Variants in PLIN3 observed in about 807,000 individuals in gnomAD.
PLIN3 encodes the protein perilipin 3, also known as perilipin-3.
Under a neutral mutation model 35.9 loss-of-function variants are expected in PLIN3, and 30 were observed. The observed-to-expected ratio is 0.84, with a 90% CI of 0.62 to 1.13. The LOEUF (loss-of-function observed/expected upper bound fraction) is 1.13, where lower values mean the gene tolerates loss of function less well. Among genes scored for constraint, PLIN3 ranks in the 50% most tolerant of loss-of-function variants. The pLI, the probability that PLIN3 is intolerant of heterozygous loss-of-function variation, is 0.00. For synonymous variants in PLIN3, 261 were observed against 262.5 expected (o/e 0.99, Z 0.06); for missense variants, 603 against 596.9 (o/e 1.01, Z -0.11).
intron 1 of PLIN3, among the ~76,000 whole-genome samples, chr19:4,865,698 C>T (rs1295598384): frequency 6.6e-6 from 1 of 151,486 alleles, no homozygotes; most frequent in Non-Finnish European, 1.5e-5. Flanking sequence ...GATCTGGAGT[C>T]CAGATTGGGT....
chr19:4,852,169 C>T lies in PLIN3; in HGVS notation c.481G>A (p.Gly161Ser), dbSNP rs773753633. 1.5e-5 allele frequency: 24 copies of T among 1,613,826 alleles called. 1 individual carries two copies. Among genetic ancestry groups the T allele is most frequent in the Admixed American group, 5.0e-5 (3 of 60,000 alleles). The change falls in exon 5 of 8, where the codon GGC (glycine) becomes AGC (serine). Residue 161 changes from glycine (G) to serine (S), a missense_variant. Physicochemically the swap from Gly to Ser is moderately conservative, Grantham distance 56. Coordinates refer to ENST00000221957, the MANE Select transcript of PLIN3 (RefSeq NM_005817.5). ...ACTACGGACTTTGTCTTGTCCACGCCGCTCTGCACAGCACCGCGGGTCGCG... is the reference window on the plus strand; with the variant it reads ...ACTACGGACTTTGTCTTGTCCACGCTGCTCTGCACAGCACCGCGGGTCGCG... ...VDATRGAVQS[G>S]VDKTKSVVTG... is the part of the protein sequence containing the mutation.
rs571574795 is a variant in PLIN3, at chr19:4,848,042, G to A, written c.635-152C>T. ...TCTGTCGCCCAGGTTGGAGTGCAGT[G>A]GTGTCATCTCGGCTCACTGCAACCT... On this transcript the variant is annotated intron_variant, in intron 5 of 7. Transcript: ENST00000221957. 10 of 658,218 alleles carry A rather than the reference G, an allele frequency of 1.5e-5. No homozygotes were observed. The Admixed American group carries it at 2.3e-4, about 15-fold the overall frequency. The allele number at this position is 658,218 out of a possible 1,614,324, so 40.8% of individuals were successfully genotyped here.
intron 5 of PLIN3, among the ~76,000 whole-genome samples, chr19:4,849,979 CTT>C (rs775507272): frequency 6.6e-6 from 1 of 150,716 alleles, no homozygotes; most frequent in Non-Finnish European, 1.5e-5. Flanking sequence ...GAGTTTCACT[CTT>C]GTTGCCTGGG....
At chr19:4,844,348 C>A (rs1053034491) in intron 7 of PLIN3, among the ~76,000 whole-genome samples, 4 of 152,062 alleles carry the variant, frequency 2.6e-5, no homozygotes, top group Non-Finnish European at 5.9e-5. Context: ...CGCCTGTAAT[C>A]CCAGCTACTA....
At chr19:4,854,309 C>T (rs2030400095) in intron 4 of PLIN3, among the ~76,000 whole-genome samples, 1 of 152,126 alleles carries the variant, frequency 6.6e-6, no homozygotes, top group African/African-American at 2.4e-5. Flanking sequence ...CCATTCCTAC[C>T]CAAGTTGGTG....
chr19:4,865,727 T>G lies in PLIN3; in HGVS notation c.-18+1882A>C, dbSNP rs936242915. Among the ~76,000 whole-genome samples, 6 of 129,340 alleles carry G rather than the reference T, an allele frequency of 4.6e-5. 1 individual carries two copies. Among genetic ancestry groups the G allele is most frequent in the South Asian group, 4.9e-4 (2 of 4,104 alleles). The allele number at this position is 129,340 out of a possible 152,430, so 84.9% of individuals were successfully genotyped here. A position where few individuals can be genotyped will look rare whatever the true frequency, so the allele number is the denominator to read the frequency against. ...ATTGGGTTCTTTCCATTTTTTTTTT[T>G]TTGTTTTTTTTTTTGAGACGGAGTC... On this transcript the variant is annotated intron_variant, in intron 1 of 7. Coordinates refer to ENST00000221957, the MANE Select transcript of PLIN3 (RefSeq NM_005817.5).
chr19:4,848,561 G>A (rs181445876), intron 5 of PLIN3, among the ~76,000 whole-genome samples: 184 of 152,278 alleles, frequency 1.2e-3, no homozygotes, highest in Non-Finnish European at 2.0e-3. Context: ...TACTACAGAG[G>A]TCCCATAAGA....
chr19:4,840,317 G>A (rs1311580151), intron 7 of PLIN3, among the ~76,000 whole-genome samples: 1 of 152,050 alleles, frequency 6.6e-6, no homozygotes, highest in African/African-American at 2.4e-5. Context: ...AGGCTGGAGT[G>A]CAGTGGCGTG....
intron 7 of PLIN3, among the ~76,000 whole-genome samples, chr19:4,839,954 C>T (rs1393138601): frequency 2.0e-5 from 3 of 149,558 alleles, no homozygotes; most frequent in East Asian, 2.0e-4. Context: ...CGTGAGCCAC[C>T]GTGCCCGGCC....
chr19:4,857,136 C>T (rs963054011), intron 4 of PLIN3, among the ~76,000 whole-genome samples: 3 of 151,916 alleles, frequency 2.0e-5, no homozygotes, highest in African/African-American at 4.8e-5. Context: ...CTTTAAAAAG[C>T]GGTGATTAAG....
At chr19:4,859,384 T>A (rs184382369) in intron 4 of PLIN3, among the ~76,000 whole-genome samples, 1 of 152,076 alleles carries the variant, frequency 6.6e-6, no homozygotes, top group Non-Finnish European at 1.5e-5. Flanking sequence ...TAGATGGGCA[T>A]GGTTGCAGGC....
In PLIN3 at chr19:4,859,935, G is replaced by C. The variant is rs754372917; in HGVS notation, c.156C>G (p.Ser52Arg). The change falls in exon 3 of 8, where the codon AGC (serine) becomes AGG (arginine). Residue 52 changes from serine (S) to arginine (R), a missense_variant. Ser to Arg is a moderately radical substitution (Grantham distance 110). Coordinates refer to ENST00000221957, the MANE Select transcript of PLIN3 (RefSeq NM_005817.5). The stretch of plus-strand genomic sequence containing the variant: ...CGCAGACAGTCTTGATGTGCGGGTA[G>C]CTCTCCTTGGTGGAGGCATAGGCTG... The part of the protein sequence containing the change: ...VSAAYASTKE[S>R]YPHIKTVCDA... The C allele has an allele frequency of 6.2e-7, 1 of 1,614,102 alleles. No individual in the cohort carries two copies. Among genetic ancestry groups the C allele is most frequent in the South Asian group, 1.1e-5 (1 of 91,078 alleles).
At chr19:4,860,107 G>A (rs1235245154) in intron 2 of PLIN3, 83 bp from the exon 3 acceptor site, 1 of 1,240,520 alleles carries the variant, frequency 8.1e-7, no homozygotes, top group Non-Finnish European at 1.2e-6. Flanking sequence ...CTGCAGTTTT[G>A]CTCTTACTCC....
intron 4 of PLIN3, among the ~76,000 whole-genome samples, chr19:4,854,134 T>C (rs2030395539): frequency 2.0e-5 from 3 of 152,112 alleles, no homozygotes; most frequent in South Asian, 2.1e-4. Context: ...GGACTCTCCA[T>C]GTTGCCCAGG....
chr19:4,866,136 G>T (rs184532345), intron 1 of PLIN3, among the ~76,000 whole-genome samples: 1 of 151,668 alleles, frequency 6.6e-6, no homozygotes, highest in Admixed American at 6.6e-5. Context: ...TCCTGCCTCA[G>T]CCTCCAGAGT....
chr19:4,854,828 C>A (rs1017596117), intron 4 of PLIN3, among the ~76,000 whole-genome samples: 8 of 152,100 alleles, frequency 5.3e-5, no homozygotes, highest in Non-Finnish European at 1.0e-4. Context: ...CAAGAGCTCA[C>A]AGCAGGCCAG....
In PLIN3 at chr19:4,852,023, G is replaced by C. The variant is rs770613170; in HGVS notation, c.627C>G (p.Ala209=). The C allele has an allele frequency of 6.2e-7, 1 of 1,613,088 alleles. No individual in the cohort carries two copies. Among genetic ancestry groups the C allele is most frequent in the Non-Finnish European group, 8.5e-7 (1 of 1,179,500 alleles). ...CCCGCTGGCCACACTTACCCAGTTC[G>C]GCATCCGTAAGGGGCAGGTGGTTGT... is the stretch of plus-strand genomic sequence containing the variant. The part of the protein sequence containing the change: ...WADNHLPLTD[A]ELARIATSLD... Residue 209 remains alanine, a synonymous_variant, in exon 5 of 8, where the codon GCC becomes GCG. Coordinates refer to ENST00000221957, the MANE Select transcript of PLIN3 (RefSeq NM_005817.5).
chr19:4,859,582 A>G lies in PLIN3; in HGVS notation c.348+8T>C. The G allele has an allele frequency of 6.2e-7, 1 of 1,613,448 alleles. No individual in the cohort carries two copies. ...CTCGACAGAGCCCCTGAGGACGGACATCGTTACCTTCTCCGTGGGCTGCTG... is the reference window on the plus strand; with the variant it reads ...CTCGACAGAGCCCCTGAGGACGGACGTCGTTACCTTCTCCGTGGGCTGCTG... On this transcript the variant is annotated splice_region_variant and intron_variant, in intron 4 of 7. Coordinates refer to ENST00000221957, the MANE Select transcript of PLIN3 (RefSeq NM_005817.5).
At chr19:4,862,756 CG>C (rs2030716676) in intron 1 of PLIN3, among the ~76,000 whole-genome samples, 2 of 152,268 alleles carry the variant, frequency 1.3e-5, no homozygotes, top group South Asian at 4.1e-4. Flanking sequence ...AACCTCACTT[CG>C]GGGAAGAACC....
Sources: allele counts gnomAD v4.1 joint callset (sites outside exome capture counted in the v4.1 genomes callset), GRCh38; gene constraint gnomAD v4.1.1; transcripts MANE v1.5; gene names NCBI Gene and HGNC (gene_info 2026-07-23, HGNC 2026-07-21).